Variants in CELF4 observed in about 807,000 individuals in gnomAD.
CELF4 encodes CUG-BP- and ETR-3-like factor 4.
Under a neutral mutation model 59.9 loss-of-function variants are expected in CELF4, and 18 were observed. The observed-to-expected ratio is 0.30, with a 90% CI of 0.21 to 0.45. CELF4 has a LOEUF of 0.45. Ranked by LOEUF, CELF4 falls within the 20% of genes least tolerant of loss-of-function variation. The pLI, the probability that CELF4 is intolerant of heterozygous loss-of-function variation, is 1.00. For synonymous variants in CELF4, 261 were observed against 267.1 expected (o/e 0.98, Z 0.22); for missense variants, 456 against 689.0 (o/e 0.66, Z 3.79).
chr18:37,262,387 G>T (rs1168093890), intron 10 of CELF4, among the ~76,000 whole-genome samples: 1 of 151,760 alleles, frequency 6.6e-6, no homozygotes. Context: ...GGAGCAAGGT[G>T]TGTGTGTGGG....
chr18:37,322,926 G>A (rs565930542), intron 2 of CELF4, among the ~76,000 whole-genome samples: 116 of 152,298 alleles, frequency 7.6e-4, no homozygotes, highest in African/African-American at 2.8e-3. Flanking sequence ...GCTTCCCAAG[G>A]CCACCACGTG....
intron 2 of CELF4, among the ~76,000 whole-genome samples, chr18:37,357,619 C>T (rs965425928): frequency 1.3e-5 from 2 of 152,298 alleles, no homozygotes; most frequent in South Asian, 2.1e-4. Flanking sequence ...ATCTTCCAGA[C>T]CCCAGAAAGG....
At chr18:37,275,009 G>A (rs1227591545) in intron 4 of CELF4, 106 bp downstream of exon 4, 2 of 1,537,862 alleles carry the variant, frequency 1.3e-6, no homozygotes, top group Non-Finnish European at 8.9e-7. Flanking sequence ...ACACCAAGAA[G>A]CCCAGAGACA....
chr18:37,355,178 G>C (rs2098542596), intron 2 of CELF4, among the ~76,000 whole-genome samples: 1 of 152,196 alleles, frequency 6.6e-6, no homozygotes, highest in South Asian at 2.1e-4. Flanking sequence ...TGTAAGGTGT[G>C]CACATACAGG....
chr18:37,346,843 G>A (rs1184716378), intron 2 of CELF4, among the ~76,000 whole-genome samples: 2 of 152,126 alleles, frequency 1.3e-5, no homozygotes, highest in African/African-American at 4.8e-5. Flanking sequence ...CCGCTGGGAT[G>A]AGGAAGTCAG....
intron 7 of CELF4, 71 bp from the exon 8 acceptor site, chr18:37,270,988 C>T: frequency 1.5e-6 from 2 of 1,337,464 alleles, no homozygotes; most frequent in Non-Finnish European, 2.0e-6. Context: ...AAGGCCCACC[C>T]ATAAAGCTTC....
chr18:37,390,216 C>T (rs1180609119), intron 2 of CELF4, among the ~76,000 whole-genome samples: 17 of 152,180 alleles, frequency 1.1e-4, no homozygotes, highest in Admixed American at 2.6e-4. Flanking sequence ...GTTATGGAGG[C>T]GCCTGAAGGA....
At chr18:37,511,107 T>G (rs1439506281) in intron 1 of CELF4, among the ~76,000 whole-genome samples, 1 of 152,152 alleles carries the variant, frequency 6.6e-6, no homozygotes, top group African/African-American at 2.4e-5. Context: ...GATGAATAAA[T>G]AAAGGGGAGG....
Position 37,286,018 on chromosome 18 carries a change from C to T in CELF4, c.449-10775G>A, listed in dbSNP as rs183042245. Among the ~76,000 whole-genome samples the T allele has an allele frequency of 2.0e-3, 303 of 152,144 alleles. 7 individuals are homozygous for T. Among genetic ancestry groups the T allele is most frequent in the Admixed American group, 0.017 (262 of 15,290 alleles). On this transcript the variant is annotated intron_variant, in intron 3 of 12. Coordinates refer to ENST00000420428, the MANE Select transcript of CELF4 (RefSeq NM_020180.4). ...AATGGGGCTTTTTTTTCCTTTACAT[C>T]ATGCGGGAGCATAAATTATGGCCAG...
At chr18:37,410,117 G>T (rs1569569039) in intron 2 of CELF4, among the ~76,000 whole-genome samples, 1 of 152,306 alleles carries the variant, frequency 6.6e-6, no homozygotes, top group East Asian at 1.9e-4. Context: ...AGGTTCTCGG[G>T]AGAGCATGAC....
chr18:37,385,190 T>C (rs565989884), intron 2 of CELF4, among the ~76,000 whole-genome samples: 2 of 151,550 alleles, frequency 1.3e-5, no homozygotes, highest in Admixed American at 1.3e-4. Flanking sequence ...CTACCAAAAA[T>C]ATAAAAAATT....
chr18:37,358,279 A>G (rs1463474351), intron 2 of CELF4, among the ~76,000 whole-genome samples: 3 of 152,094 alleles, frequency 2.0e-5, no homozygotes, highest in Non-Finnish European at 4.4e-5. Context: ...GTCTCACAAG[A>G]TCTGGCAGTT....
intron 1 of CELF4, among the ~76,000 whole-genome samples, chr18:37,522,412 G>A (rs1358707644): frequency 6.6e-6 from 1 of 152,144 alleles, no homozygotes; most frequent in East Asian, 1.9e-4. Flanking sequence ...TGAGATGGAA[G>A]AGGGACTGAA....
chr18:37,382,616 C>G (rs532548726), intron 2 of CELF4, among the ~76,000 whole-genome samples: 10 of 152,334 alleles, frequency 6.6e-5, no homozygotes, highest in African/African-American at 1.9e-4. Context: ...TGAGTCATGC[C>G]TTTTCTATCC....
At chr18:37,364,672 C>G (rs2098753062) in intron 2 of CELF4, among the ~76,000 whole-genome samples, 1 of 152,232 alleles carries the variant, frequency 6.6e-6, no homozygotes, top group South Asian at 2.1e-4. Context: ...CCAGTCTTTT[C>G]TGGTTAGTCC....
rs2218370 is a variant in CELF4 at position 37,300,364 on chromosome 18, A to G, written c.448+21439T>C. ...CTCAGCCTCCTGAGTAGCTGGGATT[A>G]CAGGCACCTGCCACCGCACTTGGCT... On this transcript the variant is annotated intron_variant, in intron 3 of 12. Coordinates refer to ENST00000420428, the MANE Select transcript of CELF4 (RefSeq NM_020180.4). Among the ~76,000 whole-genome samples, 110 of 152,222 alleles carry G rather than the reference A, an allele frequency of 7.2e-4. 2 individuals carry two copies. The East Asian group carries it at 0.015, about 20-fold the overall frequency.
At chr18:37,332,244 C>A (rs1569565547) in intron 2 of CELF4, among the ~76,000 whole-genome samples, 4 of 152,120 alleles carry the variant, frequency 2.6e-5, no homozygotes, top group Admixed American at 1.3e-4. Context: ...TCACTCCAGT[C>A]CAAGCCTAGC....
intron 1 of CELF4, among the ~76,000 whole-genome samples, chr18:37,513,025 T>C (rs1208676783): frequency 6.6e-6 from 1 of 152,040 alleles, no homozygotes; most frequent in African/African-American, 2.4e-5. Context: ...GCATGGTGGA[T>C]CTCAGGGGCA....
At chr18:37,517,020 C>A (rs949299156) in intron 1 of CELF4, among the ~76,000 whole-genome samples, 2 of 152,228 alleles carry the variant, frequency 1.3e-5, no homozygotes, top group Non-Finnish European at 2.9e-5. Flanking sequence ...TATCACACAG[C>A]CCTCACATAT....
Sources: allele counts gnomAD v4.1 joint callset (sites outside exome capture counted in the v4.1 genomes callset), GRCh38; gene constraint gnomAD v4.1.1; transcripts MANE v1.5; gene names NCBI Gene and HGNC (gene_info 2026-07-23, HGNC 2026-07-21).